Variants in LOC128092252 observed in about 807,000 individuals in gnomAD.
At chr15:50,681,546 C>G in the LOC128092252 span, among the ~76,000 whole-genome samples, 1 of 152,182 alleles carries the variant, frequency 6.6e-6, no homozygotes, top group Non-Finnish European at 1.5e-5. Flanking sequence ...CTCCTGTTAT[C>G]TCCAGCATAC....
the LOC128092252 span, among the ~76,000 whole-genome samples, chr15:50,665,885 C>T: frequency 6.6e-6 from 1 of 151,890 alleles, no homozygotes; most frequent in Admixed American, 6.6e-5. Context: ...CCCAGCTACT[C>T]GAGAGACTGA....
chr15:50,676,234 GC>G, the LOC128092252 span, among the ~76,000 whole-genome samples: 1 of 152,114 alleles, frequency 6.6e-6, no homozygotes, highest in Non-Finnish European at 1.5e-5. Flanking sequence ...GATGCTGCTA[GC>G]AAAAATTGGG....
At chr15:50,681,667 C>T in the LOC128092252 span, among the ~76,000 whole-genome samples, 10 of 152,304 alleles carry the variant, frequency 6.6e-5, no homozygotes, top group Middle Eastern at 3.4e-3. Flanking sequence ...GATGACTTAG[C>T]TCAAAAGCTT....
chr15:50,680,569 CA>C, the LOC128092252 span, among the ~76,000 whole-genome samples: 104 of 106,538 alleles, frequency 9.8e-4, 1 homozygote, highest in Middle Eastern at 5.2e-3. Flanking sequence ...ACACTTGTCT[CA>C]AAAAAAAAAA....
chr15:50,665,485 G>C, the LOC128092252 span, among the ~76,000 whole-genome samples: 1 of 151,560 alleles, frequency 6.6e-6, no homozygotes, highest in South Asian at 2.1e-4. Flanking sequence ...CATACTCACT[G>C]ATCACAATGC....
the LOC128092252 span, among the ~76,000 whole-genome samples, chr15:50,671,081 T>C: frequency 6.6e-6 from 1 of 152,212 alleles, no homozygotes; most frequent in Non-Finnish European, 1.5e-5. Context: ...ACTTAAAATA[T>C]ACTCTTAGTA....
chr15:50,666,082 G>T, the LOC128092252 span, among the ~76,000 whole-genome samples: 1 of 152,028 alleles, frequency 6.6e-6, no homozygotes, highest in Non-Finnish European at 1.5e-5. Flanking sequence ...TCAAAGGAAA[G>T]AAATAAAATT....
chr15:50,666,641 A>G, the LOC128092252 span, among the ~76,000 whole-genome samples: 1 of 152,158 alleles, frequency 6.6e-6, no homozygotes, highest in Non-Finnish European at 1.5e-5. Flanking sequence ...TGTCTCTACT[A>G]AAAATACAAA....
At chr15:50,676,835 G>A in the LOC128092252 span, among the ~76,000 whole-genome samples, 4 of 152,086 alleles carry the variant, frequency 2.6e-5, no homozygotes, top group Non-Finnish European at 4.4e-5. Context: ...GAAAGTTTCC[G>A]CAAGAGTTGA....
At chr15:50,668,597 T>G in the LOC128092252 span, among the ~76,000 whole-genome samples, 15 of 152,348 alleles carry the variant, frequency 9.8e-5, no homozygotes, top group African/African-American at 2.9e-4. Flanking sequence ...TAACTCTGCC[T>G]CCGGGGTCCA....
the LOC128092252 span, among the ~76,000 whole-genome samples, chr15:50,680,956 T>A: frequency 6.6e-6 from 1 of 152,104 alleles, no homozygotes; most frequent in Non-Finnish European, 1.5e-5. Flanking sequence ...TCCTGCGGGA[T>A]TAATATATGT....
chr15:50,650,125 G>A, the LOC128092252 span, among the ~76,000 whole-genome samples: 14 of 140,852 alleles, frequency 9.9e-5, no homozygotes, highest in South Asian at 6.7e-4. Context: ...CCTGGGAGGC[G>A]CAGACCACAG....
chr15:50,648,949 T>A, the LOC128092252 span: 1 of 1,303,630 alleles, frequency 7.7e-7, no homozygotes, highest in Non-Finnish European at 1.0e-6. Flanking sequence ...AAAATGGAAT[T>A]AAAAGTGAAT....
chr15:50,649,459 A>G, the LOC128092252 span, among the ~76,000 whole-genome samples: 1 of 152,004 alleles, frequency 6.6e-6, no homozygotes, highest in Non-Finnish European at 1.5e-5. Flanking sequence ...AAAGAAAGAA[A>G]GAAAGAAAAA....
At chr15:50,679,522 A>ATTATATATATGTG in the LOC128092252 span, among the ~76,000 whole-genome samples, 7 of 23,316 alleles carry the variant, frequency 3.0e-4, no homozygotes, top group African/African-American at 9.6e-4. Flanking sequence ...ATATATATAT[A>ATTATATATATGTG]TATATATATA....
At chr15:50,679,569 T>C in the LOC128092252 span, among the ~76,000 whole-genome samples, 1 of 139,714 alleles carries the variant, frequency 7.2e-6, no homozygotes, top group African/African-American at 2.8e-5. Flanking sequence ...AGAGTCTTGT[T>C]TTGTCACCCA....
chr15:50,679,518 ATATATATATATATATATATAT>A, the LOC128092252 span, among the ~76,000 whole-genome samples: 82 of 17,366 alleles, frequency 4.7e-3, 1 homozygote, highest in African/African-American at 8.7e-3. Flanking sequence ...TATAATATAT[ATATATATATATATATATATAT>A]TTTTTTTTTT....
At chr15:50,679,202 G>A in the LOC128092252 span, among the ~76,000 whole-genome samples, 3 of 134,748 alleles carry the variant, frequency 2.2e-5, no homozygotes, top group Non-Finnish European at 3.2e-5. Flanking sequence ...CAGGTTGGTG[G>A]TATGGGCCTG....
chr15:50,679,225 C>T, the LOC128092252 span, among the ~76,000 whole-genome samples: 3 of 150,840 alleles, frequency 2.0e-5, no homozygotes, highest in African/African-American at 7.3e-5. Context: ...ATTTTAGGTA[C>T]TTGGGAGGCT....
Sources: allele counts gnomAD v4.1 joint callset (sites outside exome capture counted in the v4.1 genomes callset), GRCh38; gene constraint gnomAD v4.1.1; transcripts MANE v1.5.